The following SNRPB variants were observed in gnomAD, a reference collection of about 807,000 sequenced individuals.
The protein encoded by SNRPB is small nuclear ribonucleoprotein-associated proteins B and B'.
SNRPB carries 5 observed loss-of-function variants against 26.6 expected under a neutral mutation model. The ratio of observed to expected loss-of-function variants is 0.19; its 90% CI spans 0.10 to 0.39. The LOEUF is 0.39. SNRPB is among the 10% of genes least tolerant of loss of function. The pLI is 1.00. For missense variants in SNRPB, 211 were observed against 311.9 expected (o/e 0.68, Z 2.44); for synonymous variants, 122 against 105.8 (o/e 1.15, Z -0.94).
At chr20:2,467,818 C>A in intron 1 of SNRPB, 60 bp from the exon 2 acceptor site, 1 of 1,545,660 alleles carries the variant, frequency 6.5e-7, no homozygotes, top group Non-Finnish European at 8.8e-7. Context: ...CACCTCTGGC[C>A]CTCCCCAAAA....
chr20:2,469,430 G>A (rs1045303107), intron 1 of SNRPB, among the ~76,000 whole-genome samples: 1 of 152,166 alleles, frequency 6.6e-6, no homozygotes, highest in African/African-American at 2.4e-5. Context: ...GGTGGCTCAC[G>A]GCTGTAATCC....
In SNRPB at chr20:2,463,019, T is replaced by C; in HGVS notation, c.559+70A>G. 1 of 1,337,064 alleles carries C rather than the reference T, an allele frequency of 7.5e-7. No homozygotes were observed. The highest frequency in any genetic ancestry group is 1.0e-6 in the Non-Finnish European group (1 of 970,846). 82.8% of individuals were successfully genotyped at this position (1,337,064 alleles called of 1,614,324 possible). A position where few individuals can be genotyped will look rare whatever the true frequency, so the allele number is the denominator to read the frequency against. ...ACTCATCATCAGCTTCAGTCAAGGT[T>C]ATATCTCATCATTAATCCAGCTAAG... On this transcript the variant is annotated intron_variant, in intron 5 of 6. Coordinates refer to ENST00000381342, the MANE Select transcript of SNRPB (RefSeq NM_003091.4). This position sits in a 1 kb window ranked among gnomAD's most constrained non-coding sequence, Gnocchi z 5.0.
Position 2,461,737 on chromosome 20 carries a change from G to T in SNRPB, c.*192C>A. 6.4e-7 allele frequency: 1 copy of T among 1,572,622 alleles called. No individual in the cohort carries two copies. The highest frequency in any genetic ancestry group is 8.6e-7 in the Non-Finnish European group (1 of 1,157,576). ...CCTTACGGGAAACAGGCAGGGAGCT[G>T]AGGAGGGCCAAGATGAGTCTAGGGC... is the stretch of plus-strand genomic sequence containing the variant. On this transcript the variant is annotated 3_prime_UTR_variant, in exon 7 of 7. Coordinates refer to ENST00000381342, the MANE Select transcript of SNRPB (RefSeq NM_003091.4).
At chr20:2,464,882 A>AC (rs1332721751) in intron 3 of SNRPB, among the ~76,000 whole-genome samples, 1 of 63,602 alleles carries the variant, frequency 1.6e-5, no homozygotes, top group African/African-American at 3.6e-5. Flanking sequence ...ATCTAAAAAA[A>AC]AAAAAAAAAA....
At chr20:2,464,821 G>A (rs1162843966) in intron 3 of SNRPB, among the ~76,000 whole-genome samples, 1 of 149,780 alleles carries the variant, frequency 6.7e-6, no homozygotes, top group African/African-American at 2.5e-5. Flanking sequence ...AATAAGCCAA[G>A]ATCGTGCCAC....
At chr20:2,464,418 A>C (rs2085057507) in intron 3 of SNRPB, among the ~76,000 whole-genome samples, 1 of 152,248 alleles carries the variant, frequency 6.6e-6, no homozygotes, top group Non-Finnish European at 1.5e-5. Context: ...GAATATGTAC[A>C]TGGACTTTGA....
Position 2,461,782 on chromosome 20 carries a change from G to A in SNRPB, c.*147C>T, listed in dbSNP as rs777647417. On this transcript the variant is annotated 3_prime_UTR_variant, in exon 7 of 7. Transcript: ENST00000381342. Reference sequence around the variant, plus strand: ...TAGGGCCTTGGTGGGCGCATTCCCGGGGGAGGGGGCCCTGTAAGGGAAACC... The same window carrying A: ...TAGGGCCTTGGTGGGCGCATTCCCGAGGGAGGGGGCCCTGTAAGGGAAACC... The A allele has an allele frequency of 3.7e-6, 6 of 1,612,090 alleles. No homozygotes were observed. The Admixed American group carries it at 1.0e-4, about 27-fold the overall frequency.
intron 2 of SNRPB, chr20:2,467,283 G>A (rs1393312050): frequency 4.1e-6 from 2 of 493,774 alleles, no homozygotes; most frequent in African/African-American, 1.9e-5. Context: ...TAGGCAATGA[G>A]GCCAGAAACT....
At chr20:2,467,857 C>G in intron 1 of SNRPB, 99 bp from the exon 2 acceptor site, 1 of 1,076,014 alleles carries the variant, frequency 9.3e-7, no homozygotes, top group South Asian at 1.5e-5. Flanking sequence ...TCCATGTGTC[C>G]AACTTTCTCA....
intron 2 of SNRPB, 97 bp downstream of exon 2, chr20:2,467,507 GAGA>G: frequency 1.8e-6 from 2 of 1,133,744 alleles, no homozygotes; most frequent in Non-Finnish European, 1.3e-6. Flanking sequence ...AGAATAAACA[GAGA>G]AGAACCAACT....
At chr20:2,467,786 ACT>A in intron 1 of SNRPB, 28 bp from the exon 2 acceptor site, 3 of 1,608,268 alleles carry the variant, frequency 1.9e-6, no homozygotes, top group Admixed American at 1.7e-5. Context: ...CAGGGATGAG[ACT>A]CTGCTCTTTT....
rs764287988 is a variant in SNRPB, at chr20:2,461,750, A to G, written c.*179T>C. The G allele has an allele frequency of 6.3e-7, 1 of 1,590,660 alleles. No individual in the cohort carries two copies. The highest frequency in any genetic ancestry group is 1.1e-5 in the South Asian group (1 of 87,860). Reference sequence around the variant, plus strand: ...AGGCAGGGAGCTGAGGAGGGCCAAGATGAGTCTAGGGCCTTGGTGGGCGCA... The same window carrying G: ...AGGCAGGGAGCTGAGGAGGGCCAAGGTGAGTCTAGGGCCTTGGTGGGCGCA... On this transcript the variant is annotated 3_prime_UTR_variant, in exon 7 of 7. Coordinates refer to ENST00000381342, the MANE Select transcript of SNRPB (RefSeq NM_003091.4).
At chr20:2,461,973 G>C in intron 6 of SNRPB, 34 bp from the exon 7 acceptor site, 1 of 1,529,556 alleles carries the variant, frequency 6.5e-7, no homozygotes, top group Non-Finnish European at 9.0e-7. Context: ...GTCAGTGCCT[G>C]ATCTGCAACT....
At chr20:2,469,101 T>C (rs547199518) in intron 1 of SNRPB, among the ~76,000 whole-genome samples, 1 of 152,194 alleles carries the variant, frequency 6.6e-6, no homozygotes, top group Non-Finnish European at 1.5e-5. Context: ...GTGCTCACTG[T>C]GTATCTGGCA....
intron 6 of SNRPB, 36 bp from the exon 7 acceptor site, chr20:2,461,975 T>C (rs563526715): frequency 6.5e-7 from 1 of 1,526,984 alleles, no homozygotes; most frequent in South Asian, 1.1e-5. Context: ...CAGTGCCTGA[T>C]CTGCAACTTG....
intron 6 of SNRPB, 72 bp from the exon 7 acceptor site, chr20:2,462,011 C>G: frequency 9.2e-7 from 1 of 1,081,152 alleles, no homozygotes; most frequent in Admixed American, 1.8e-5. Context: ...CCCAGCCTCC[C>G]ACGCCCTGCA....
chr20:2,470,489 C>G (rs546328055), intron 1 of SNRPB, among the ~76,000 whole-genome samples, 199 bp downstream of exon 1: 17 of 152,350 alleles, frequency 1.1e-4, no homozygotes, highest in Admixed American at 1.0e-3. Context: ...CCTCCGACAC[C>G]GGTTCCAACC....
intron 2 of SNRPB, chr20:2,467,107 C>T (rs1049694943): frequency 2.0e-5 from 6 of 300,246 alleles, no homozygotes; most frequent in Non-Finnish European, 4.0e-5. Context: ...GGAATTGTAG[C>T]AAAGTAGACA....
At position 2,462,676 on chromosome 20, in the gene SNRPB, C is replaced by T. The variant is rs542141818; in HGVS notation, c.645G>A (p.Met215Ile). The stretch of plus-strand genomic sequence containing the variant: ...GAGGAGGCCGCATTCCCGGAGGGGG[C>T]ATGCCCATTGGAGTCCCTCTTCCAG... ...IPPGRGTPMG[M>I]PPPGMRPPPP... The change falls in exon 6 of 7, where the codon ATG becomes ATA. Residue 215 changes from methionine to isoleucine, a missense_variant. By Grantham distance (10) the Met-to-Ile change is conservative. Transcript: ENST00000381342. 2 of 1,608,434 alleles carry T rather than the reference C, an allele frequency of 1.2e-6. No homozygotes were observed. Among genetic ancestry groups the T allele is most frequent in the South Asian group, 1.1e-5 (1 of 90,894 alleles).
Sources: gnomAD v4.1 joint callset for allele counts (sites outside exome capture counted in the v4.1 genomes callset) on GRCh38, gnomAD v4.1.1 for gene constraint, Gnocchi (gnomAD v3.1) non-coding constraint, MANE v1.5 for transcripts, NCBI Gene and HGNC (gene_info 2026-07-23, HGNC 2026-07-21) for gene names.